Variants in KIF16B observed in about 807,000 individuals in gnomAD.
The protein encoded by KIF16B is kinesin family member 16B, also known as kinesin-like protein KIF16B.
KIF16B carries 98 observed loss-of-function variants against 156.3 expected under a neutral mutation model. The observed-to-expected ratio is 0.63, with a 90% CI of 0.53 to 0.74. The LOEUF (loss-of-function observed/expected upper bound fraction) is 0.74. Ranked by LOEUF, KIF16B falls within the 30% of genes least tolerant of loss-of-function variation. KIF16B has a pLI of 0.00. For missense variants in KIF16B, 1,421 were observed against 1,606.5 expected, an observed-to-expected ratio of 0.88 and a Z score of 1.97; for synonymous variants, 564 against 583.7, an observed-to-expected ratio of 0.97 and a Z score of 0.49.
chr20:16,420,020 TCA>T (rs2066186623), intron 15 of KIF16B, among the ~76,000 whole-genome samples: 1 of 152,136 alleles, frequency 6.6e-6, no homozygotes, highest in Non-Finnish European at 1.5e-5. Context: ...TCCTATAGAA[TCA>T]CAGTGTGGAA....
chr20:16,561,311 A>G (rs942358664), intron 1 of KIF16B, among the ~76,000 whole-genome samples: 5 of 152,150 alleles, frequency 3.3e-5, no homozygotes, highest in African/African-American at 1.2e-4. Flanking sequence ...AGTAGTAGAG[A>G]GTAGAAAATA....
At position 16,334,959 on chromosome 20, in the gene KIF16B, A is replaced by C. The variant is rs73112332; in HGVS notation, c.3711+967T>G. 9.4e-3 allele frequency among the ~76,000 whole-genome samples: 1,433 copies of C among 152,360 alleles called. 9 individuals are homozygous for C. The highest frequency in any genetic ancestry group is 0.013 in the Non-Finnish European group (878 of 68,038). On this transcript the variant is annotated intron_variant, in intron 24 of 25. Coordinates refer to ENST00000354981, the MANE Select transcript of KIF16B (RefSeq NM_024704.5). ...TTCTACCTGAGCTCAAGATTCTTCT[A>C]TACACCAGGGAACTATTTTATTTAC...
intron 25 of KIF16B, among the ~76,000 whole-genome samples, chr20:16,273,643 G>A (rs1407829848): frequency 2.7e-5 from 4 of 150,924 alleles, no homozygotes; most frequent in Non-Finnish European, 2.9e-5. Context: ...CTGCCTGGGT[G>A]ATAAAGCAAG....
At chr20:16,433,687 G>A (rs976626664) in intron 12 of KIF16B, among the ~76,000 whole-genome samples, 2 of 151,878 alleles carry the variant, frequency 1.3e-5, no homozygotes, top group African/African-American at 4.8e-5. Context: ...AGTTTTCCAG[G>A]ATTGCAAGTG....
At position 16,378,010 on chromosome 20, in the gene KIF16B, T is replaced by C. The variant is rs189394346; in HGVS notation, c.3197+795A>G. 1.2e-4 allele frequency among the ~76,000 whole-genome samples: 19 copies of C among 152,298 alleles called. No individual in the cohort carries two copies. The East Asian group carries it at 1.7e-3, about 14-fold the overall frequency. On this transcript the variant is annotated intron_variant, in intron 19 of 25. Coordinates refer to ENST00000354981, the MANE Select transcript of KIF16B (RefSeq NM_024704.5). ...GTGTTCAGAATTATCTGGAGTTTTG[T>C]TTGTTGGTTCGGTTGACTGTTTTAT...
intron 12 of KIF16B, among the ~76,000 whole-genome samples, chr20:16,492,998 C>G (rs2068341797): frequency 6.6e-6 from 1 of 152,130 alleles, no homozygotes; most frequent in Admixed American, 6.5e-5. Flanking sequence ...TGAACTTATT[C>G]CACATCTGAC....
Position 16,537,740 on chromosome 20 carries a change from C to T in KIF16B, c.48-9300G>A, listed in dbSNP as rs146139860. On this transcript the variant is annotated intron_variant, in intron 1 of 25. Transcript: ENST00000354981. ...TTTTTTTTGAGACAGGGTCTGGCTCCGTCACTGGGCTAAAGTGCAGTGACA... is the reference window on the plus strand; with the variant it reads ...TTTTTTTTGAGACAGGGTCTGGCTCTGTCACTGGGCTAAAGTGCAGTGACA... Among the ~76,000 whole-genome samples, 45 of 144,284 alleles carry T rather than the reference C, an allele frequency of 3.1e-4. No homozygotes were observed. The East Asian group carries it at 4.3e-3, about 14-fold the overall frequency. The allele number at this position is 144,284 out of a possible 152,430, so 94.7% of individuals were successfully genotyped here.
At chr20:16,570,056 A>C (rs1056465944) in intron 1 of KIF16B, among the ~76,000 whole-genome samples, 3 of 152,106 alleles carry the variant, frequency 2.0e-5, no homozygotes, top group African/African-American at 7.2e-5. Context: ...TGCTTTTCTC[A>C]ATCCTCTACC....
intron 12 of KIF16B, among the ~76,000 whole-genome samples, chr20:16,467,814 G>A (rs1053000818): frequency 1.3e-5 from 2 of 151,978 alleles, no homozygotes; most frequent in African/African-American, 4.8e-5. Flanking sequence ...AGGAATAAGT[G>A]AAGATAAAAT....
chr20:16,452,287 G>C (rs2146610617), intron 12 of KIF16B, among the ~76,000 whole-genome samples: 1 of 152,158 alleles, frequency 6.6e-6, no homozygotes, highest in South Asian at 2.1e-4. Flanking sequence ...AAACTGAGAA[G>C]GCTGCCCTAA....
chr20:16,481,191 C>T (rs2067973802), intron 12 of KIF16B, among the ~76,000 whole-genome samples: 1 of 152,164 alleles, frequency 6.6e-6, no homozygotes, highest in Admixed American at 6.5e-5. Context: ...TGAGTGGAAA[C>T]CACTTCTGTA....
At chr20:16,526,773 G>A (rs1226226424) in intron 2 of KIF16B, among the ~76,000 whole-genome samples, 2 of 152,152 alleles carry the variant, frequency 1.3e-5, no homozygotes, top group African/African-American at 4.8e-5. Flanking sequence ...TATGCTTAAA[G>A]TGCACCTCAG....
chr20:16,377,517 G>A (rs1346968046), intron 19 of KIF16B, among the ~76,000 whole-genome samples: 2 of 151,676 alleles, frequency 1.3e-5, no homozygotes, highest in Admixed American at 1.3e-4. Flanking sequence ...CCAGGAGTTT[G>A]AGGCTGCAGT....
intron 23 of KIF16B, among the ~76,000 whole-genome samples, chr20:16,354,170 T>C (rs1354753894): frequency 1.3e-5 from 2 of 152,246 alleles, no homozygotes; most frequent in Non-Finnish European, 2.9e-5. Flanking sequence ...CTTGTAATTT[T>C]TATTTAAATC....
At chr20:16,305,558 C>T (rs909807765) in intron 25 of KIF16B, among the ~76,000 whole-genome samples, 1 of 152,154 alleles carries the variant, frequency 6.6e-6, no homozygotes, top group African/African-American at 2.4e-5. Context: ...TATCTTCTAG[C>T]TATTTTGAAA....
At chr20:16,487,771 C>A (rs541391473) in intron 12 of KIF16B, among the ~76,000 whole-genome samples, 1 of 152,252 alleles carries the variant, frequency 6.6e-6, no homozygotes, top group South Asian at 2.1e-4. Context: ...TAGTATCCTG[C>A]CTCTCCTACT....
chr20:16,537,504 T>C (rs2070017258), intron 1 of KIF16B, among the ~76,000 whole-genome samples: 1 of 151,932 alleles, frequency 6.6e-6, no homozygotes, highest in Admixed American at 6.6e-5. Context: ...GTGGTGCTCC[T>C]AAAATGGCTG....
Position 16,508,007 on chromosome 20 carries a change from T to C in KIF16B, c.650A>G (p.Asn217Ser). Reference protein sequence around the residue: ...INRTTAATGMNDVSSRSHAIF... With the variant: ...INRTTAATGMSDVSSRSHAIF... ...GGCATGAGACCTGCTACTGACGTCGTTCATCCCAGTCGCTGCGGTGGTCCG... is the reference window on the plus strand; with the variant it reads ...GGCATGAGACCTGCTACTGACGTCGCTCATCCCAGTCGCTGCGGTGGTCCG... Residue 217 changes from asparagine to serine, a missense_variant, in exon 7 of 26, where the codon AAC (asparagine) becomes AGC (serine). Coordinates refer to ENST00000354981, the MANE Select transcript of KIF16B (RefSeq NM_024704.5). 1.9e-6 allele frequency: 3 copies of C among 1,614,188 alleles called. No individual in the cohort carries two copies. Among genetic ancestry groups the C allele is most frequent in the Non-Finnish European group, 2.5e-6 (3 of 1,180,020 alleles).
chr20:16,550,697 C>A (rs974967485), intron 1 of KIF16B, among the ~76,000 whole-genome samples: 2 of 151,738 alleles, frequency 1.3e-5, no homozygotes, highest in East Asian at 3.9e-4. Context: ...CCATGTCCAG[C>A]TAATTTTTTC....
Sources: allele counts gnomAD v4.1 joint callset (sites outside exome capture counted in the v4.1 genomes callset), GRCh38; gene constraint gnomAD v4.1.1; transcripts MANE v1.5; gene names NCBI Gene and HGNC (gene_info 2026-07-23, HGNC 2026-07-21).